Variants in CASS4 observed in about 807,000 individuals in gnomAD.
The protein encoded by CASS4 is Cas scaffold protein family member 4, also known as cas scaffolding protein family member 4.
CASS4 carries 22 observed loss-of-function variants against 54.2 expected under a neutral mutation model. That is an observed-to-expected ratio of 0.41 (90% CI 0.29 to 0.58). The LOEUF (loss-of-function observed/expected upper bound fraction) is 0.58. Ranked by LOEUF, CASS4 falls within the 20% of genes least tolerant of loss-of-function variation. The pLI, the probability that CASS4 is intolerant of heterozygous loss-of-function variation, is 0.36. For synonymous variants in CASS4, 409 were observed against 391.5 expected (o/e 1.04, Z -0.53); for missense variants, 854 against 986.7 (o/e 0.87, Z 1.80).
intron 1 of CASS4, among the ~76,000 whole-genome samples, chr20:56,413,565 C>T (rs769584033): frequency 6.8e-6 from 1 of 147,278 alleles, no homozygotes; most frequent in African/African-American, 2.5e-5. Context: ...CCCAGCTACT[C>T]GGGAGGCTGA....
At position 56,438,731 on chromosome 20, in the gene CASS4, C is replaced by T. The variant is rs761276707; in HGVS notation, c.459+1145C>T. ...AATTAGCTGGGCATGGTGGCAGGCA[C>T]CTGTAATTCCAGCTACTCGGGAGAC... On this transcript the variant is annotated intron_variant, in intron 2 of 5. Transcript: ENST00000679887. 2.8e-4 allele frequency among the ~76,000 whole-genome samples: 42 copies of T among 152,116 alleles called. 1 individual carries two copies. The highest frequency in any genetic ancestry group is 8.3e-4 in the South Asian group (4 of 4,830).
chr20:56,437,434 C>G lies in CASS4; in HGVS notation c.307C>G (p.Leu103Val), dbSNP rs777975018. The G allele has an allele frequency of 6.2e-6, 10 of 1,614,026 alleles. No homozygotes were observed. Among genetic ancestry groups the G allele is most frequent in the South Asian group, 5.5e-5 (5 of 91,074 alleles). Residue 103 changes from leucine to valine, a missense_variant, in exon 2 of 6, where the codon CTA becomes GTA. Physicochemically the swap from Leu to Val is conservative, Grantham distance 32 (BLOSUM62 1). Transcript: ENST00000679887. This position sits in a 1 kb window ranked among gnomAD's most constrained non-coding sequence, Gnocchi z 4.7. ...AGAGGAGACCTATCAGGTGCCCACT[C>G]TACCCCGCCCTCCCACTCCAGGCCC... ...SSEETYQVPT[L>V]PRPPTPGPVY...
At chr20:56,423,882 G>A (rs935932077) in intron 1 of CASS4, among the ~76,000 whole-genome samples, 6 of 152,086 alleles carry the variant, frequency 3.9e-5, no homozygotes, top group Non-Finnish European at 7.4e-5. Flanking sequence ...TTGGAAAAAG[G>A]GAGTTTCAAT....
intron 3 of CASS4, among the ~76,000 whole-genome samples, chr20:56,446,950 A>G (rs1019536266): frequency 2.0e-5 from 3 of 152,184 alleles, no homozygotes; most frequent in Non-Finnish European, 4.4e-5. Context: ...GCTCACACCT[A>G]TAATCCCAGC....
At chr20:56,457,161 A>G (rs1981339339) in intron 5 of CASS4, among the ~76,000 whole-genome samples, 1 of 151,928 alleles carries the variant, frequency 6.6e-6, no homozygotes, top group Non-Finnish European at 1.5e-5. Flanking sequence ...TTCCCCTCCA[A>G]CCCTACTAGG....
chr20:56,454,761 A>G (rs918591390), intron 5 of CASS4, among the ~76,000 whole-genome samples: 2 of 152,222 alleles, frequency 1.3e-5, no homozygotes, highest in African/African-American at 4.8e-5. Context: ...CTCACTCTCT[A>G]AAGCTTCTGA....
intron 1 of CASS4, among the ~76,000 whole-genome samples, chr20:56,425,103 C>T (rs1247431439): frequency 6.6e-6 from 1 of 152,226 alleles, no homozygotes; most frequent in African/African-American, 2.4e-5. Context: ...GGAGGCCCTC[C>T]TCTCTGGCCT....
rs201454304 is a variant in CASS4, at chr20:56,452,659, G to T, written c.1483G>T (p.Asp495Tyr). 2 of 1,614,202 alleles carry T rather than the reference G, an allele frequency of 1.2e-6. No homozygotes were observed. Among genetic ancestry groups the T allele is most frequent in the Non-Finnish European group, 1.7e-6 (2 of 1,180,046 alleles). ...AGAAGAATCTGTAAGAGAATTTCTG[G>T]ATTTTGCCCGAGGAGTCCATGGGAC... ...HIEESVREFL[D>Y]FARGVHGTAC... The change falls in exon 5 of 6, where the codon GAT becomes TAT. Residue 495 changes from aspartate to tyrosine, a missense_variant. By Grantham distance (160) the Asp-to-Tyr change is radical (BLOSUM62 -3). Transcript: ENST00000679887.
In CASS4 at chr20:56,418,125, G is replaced by T. The variant is rs73156377; in HGVS notation, c.36+5631G>T. Among the ~76,000 whole-genome samples, 665 of 152,300 alleles carry T rather than the reference G, an allele frequency of 4.4e-3. 5 individuals carry two copies. The highest frequency in any genetic ancestry group is 7.0e-3 in the Non-Finnish European group (473 of 68,028). On this transcript the variant is annotated intron_variant, in intron 1 of 5. Coordinates refer to ENST00000679887, the MANE Select transcript of CASS4 (RefSeq NM_020356.4). ...TCCAATGGAGTGAGCATGACAGTGA[G>T]TAAATAGACCCATGGTTTCAGGTGG...
intron 5 of CASS4, among the ~76,000 whole-genome samples, chr20:56,457,798 T>G (rs1749328877): frequency 6.6e-6 from 1 of 152,066 alleles, no homozygotes; most frequent in African/African-American, 2.4e-5. Flanking sequence ...GCAGATCATT[T>G]GAGATCAGGG....
Position 56,442,471 on chromosome 20 carries a change from A to C in CASS4, c.460-3429A>C, listed in dbSNP as rs1465509526. Among the ~76,000 whole-genome samples, 4 of 151,644 alleles carry C rather than the reference A, an allele frequency of 2.6e-5. 1 individual carries two copies. Among genetic ancestry groups the C allele is most frequent in the African/African-American group, 4.9e-5 (2 of 40,954 alleles). ...GCTGACGCTATTCTTTCTGATGAAC[A>C]CTTTACTGAAATTTCACCTACAGAT... On this transcript the variant is annotated intron_variant, in intron 2 of 5. Coordinates refer to ENST00000679887, the MANE Select transcript of CASS4 (RefSeq NM_020356.4).
chr20:56,455,391 G>C (rs1415106393), intron 5 of CASS4, among the ~76,000 whole-genome samples: 1 of 152,184 alleles, frequency 6.6e-6, no homozygotes, highest in Non-Finnish European at 1.5e-5. Context: ...CTAGGTTATA[G>C]GGCAGATGGG....
rs116883472 is a variant in CASS4 at position 56,452,211 on chromosome 20, C to G, written c.1035C>G (p.Thr345=). 5.0e-6 allele frequency: 8 copies of G among 1,614,046 alleles called. No individual in the cohort carries two copies. Among genetic ancestry groups the G allele is most frequent in the Non-Finnish European group, 6.8e-6 (8 of 1,180,040 alleles). Residue 345 remains threonine (T), a synonymous_variant, in exon 5 of 6, where the codon ACC becomes ACG. Transcript: ENST00000679887. The stretch of plus-strand genomic sequence containing the variant: ...TTCCCCGAGTGGAACAGCAGAACAC[C>G]AAGCCCAATATTTATGACATCCCTA... The part of the protein sequence containing the change: ...FLIPRVEQQN[T]KPNIYDIPKA...
intron 2 of CASS4, among the ~76,000 whole-genome samples, chr20:56,440,284 C>T (rs528258611): frequency 6.6e-6 from 1 of 152,256 alleles, no homozygotes; most frequent in East Asian, 1.9e-4. Flanking sequence ...GCAGCTGACT[C>T]GGAGCAGAGC....
intron 1 of CASS4, among the ~76,000 whole-genome samples, chr20:56,428,345 T>C (rs1229320819): frequency 6.6e-6 from 1 of 152,104 alleles, no homozygotes; most frequent in Non-Finnish European, 1.5e-5. Flanking sequence ...AGCTTAGACA[T>C]AGTCTTGACA....
chr20:56,440,805 C>T (rs924458975), intron 2 of CASS4, among the ~76,000 whole-genome samples: 2 of 152,012 alleles, frequency 1.3e-5, no homozygotes, highest in African/African-American at 4.8e-5. Context: ...CAACAGAAAC[C>T]GCAAGGAAAT....
rs1980241722 is a variant in CASS4, at chr20:56,437,444, C to G, written c.317C>G (p.Pro106Arg). Residue 106 changes from proline to arginine, a missense_variant, in exon 2 of 6, where the codon CCT becomes CGT. Coordinates refer to ENST00000679887, the MANE Select transcript of CASS4 (RefSeq NM_020356.4). This position sits in a 1 kb window ranked among gnomAD's most constrained non-coding sequence, Gnocchi z 4.7. ...TATCAGGTGCCCACTCTACCCCGCC[C>G]TCCCACTCCAGGCCCCGTTTATGAG... ...ETYQVPTLPR[P>R]PTPGPVYEQM... 2.5e-6 allele frequency: 4 copies of G among 1,614,000 alleles called. No homozygotes were observed. The highest frequency in any genetic ancestry group is 3.4e-6 in the Non-Finnish European group (4 of 1,179,926).
chr20:56,433,755 C>T (rs1490390014), intron 1 of CASS4, among the ~76,000 whole-genome samples: 1 of 152,132 alleles, frequency 6.6e-6, no homozygotes, highest in Non-Finnish European at 1.5e-5. Flanking sequence ...CAAGTGATAG[C>T]TTCATATCTT....
chr20:56,442,287 A>G (rs1568676980), intron 2 of CASS4, among the ~76,000 whole-genome samples: 2 of 151,946 alleles, frequency 1.3e-5, no homozygotes, highest in South Asian at 2.1e-4. Flanking sequence ...CGATCTCTGC[A>G]TATCTTTAGA....
Sources: allele counts gnomAD v4.1 joint callset (sites outside exome capture counted in the v4.1 genomes callset), GRCh38; gene constraint gnomAD v4.1.1; non-coding constraint Gnocchi (gnomAD v3.1); transcripts MANE v1.5; gene names NCBI Gene and HGNC (gene_info 2026-07-23, HGNC 2026-07-21).